CSMD1: variants seen among roughly 807,000 people sequenced by gnomAD.
The protein encoded by CSMD1 is CUB and Sushi multiple domains 1, also known as CUB and sushi domain-containing protein 1.
CSMD1 carries 213 observed loss-of-function variants against 417.5 expected under a neutral mutation model. That is an observed-to-expected ratio of 0.51 (90% confidence interval 0.46 to 0.57). The LOEUF is 0.57. CSMD1 is among the 20% of genes least tolerant of loss of function. CSMD1 has a pLI of 0.00. For synonymous variants in CSMD1, 2,862 were observed against 1,736.8 expected (o/e 1.65, Z -16.11); for missense variants, 6,923 against 4,529.7 (o/e 1.53, Z -15.17).
intron 5 of CSMD1, among the ~76,000 whole-genome samples, chr8:3,780,337 A>G (rs776792772): frequency 1.3e-5 from 2 of 152,240 alleles, no homozygotes; most frequent in Non-Finnish European, 2.9e-5. Flanking sequence ...GTTGTTCGTT[A>G]GAATAGAATT....
At chr8:3,772,526 CAT>C (rs879270240) in intron 5 of CSMD1, among the ~76,000 whole-genome samples, 10,262 of 32,256 alleles carry the variant, frequency 0.32, 2,267 homozygotes, top group East Asian at 0.62. Context: ...CATATATACA[CAT>C]ATATACATAT....
At chr8:4,188,641 C>T (rs988063250) in intron 3 of CSMD1, among the ~76,000 whole-genome samples, 5 of 151,850 alleles carry the variant, frequency 3.3e-5, no homozygotes, top group African/African-American at 7.3e-5. Context: ...TTTTATCTAT[C>T]GGAAAAATGA....
intron 6 of CSMD1, among the ~76,000 whole-genome samples, chr8:3,752,930 T>C (rs578172014): frequency 6.6e-6 from 1 of 152,170 alleles, no homozygotes; most frequent in East Asian, 1.9e-4. Context: ...ATAACAGATA[T>C]TTAGACCAGT....
rs78752344 is a variant in CSMD1, at chr8:3,439,924, T to G, written c.1561+28788A>C. Among the ~76,000 whole-genome samples, 394 of 152,316 alleles carry G rather than the reference T, an allele frequency of 2.6e-3. 2 individuals carry two copies. Among genetic ancestry groups the G allele is most frequent in the Non-Finnish European group, 4.5e-3 (304 of 68,020 alleles). The stretch of plus-strand genomic sequence containing the variant: ...CACTGAAAAGACTATTCTTCCTCCA[T>G]TGAATTGCTTTGGCCCCTTTACCAA... On this transcript the variant is annotated intron_variant, in intron 12 of 69. Coordinates refer to ENST00000635120, the MANE Select transcript of CSMD1 (RefSeq NM_033225.6).
At chr8:3,237,686 C>A (rs1050140289) in intron 26 of CSMD1, among the ~76,000 whole-genome samples, 9 of 141,536 alleles carry the variant, frequency 6.4e-5, no homozygotes, top group Admixed American at 2.1e-4. Flanking sequence ...TATAATTATA[C>A]TTATACTACA....
At chr8:3,995,493 T>C (rs1028847441) in intron 5 of CSMD1, among the ~76,000 whole-genome samples, 3 of 152,232 alleles carry the variant, frequency 2.0e-5, no homozygotes, top group East Asian at 1.9e-4. Context: ...AGAGAAACTC[T>C]ACTTCTCTGA....
chr8:4,096,113 C>G (rs915717825), intron 3 of CSMD1, among the ~76,000 whole-genome samples: 1 of 151,996 alleles, frequency 6.6e-6, no homozygotes, highest in Admixed American at 6.6e-5. Flanking sequence ...TGGATGGTTC[C>G]TCAAAAACAT....
intron 3 of CSMD1, among the ~76,000 whole-genome samples, chr8:4,345,324 A>G (rs1416104560): frequency 1.3e-5 from 2 of 152,136 alleles, no homozygotes; most frequent in Non-Finnish European, 2.9e-5. Context: ...TAACATATAA[A>G]TCTTTTCCTT....
intron 3 of CSMD1, among the ~76,000 whole-genome samples, chr8:4,253,715 T>G (rs1294774627): frequency 4.6e-5 from 7 of 151,686 alleles, no homozygotes; most frequent in African/African-American, 1.5e-4. Flanking sequence ...AAGTAATGCT[T>G]AACTACACAC....
At chr8:4,140,936 C>A (rs746087382) in intron 3 of CSMD1, among the ~76,000 whole-genome samples, 2 of 151,094 alleles carry the variant, frequency 1.3e-5, no homozygotes, top group Non-Finnish European at 2.9e-5. Flanking sequence ...AACTTCAACA[C>A]CAACAACAAA....
intron 3 of CSMD1, among the ~76,000 whole-genome samples, chr8:4,249,956 G>A (rs2128829996): frequency 6.6e-6 from 1 of 152,146 alleles, no homozygotes; most frequent in African/African-American, 2.4e-5. Flanking sequence ...ACTTATGAAT[G>A]AATTAATGCC....
chr8:2,987,774 C>T (rs188183646), intron 54 of CSMD1, among the ~76,000 whole-genome samples: 160 of 152,316 alleles, frequency 1.1e-3, no homozygotes, highest in African/African-American at 3.5e-3. Flanking sequence ...AGGGCAGCTT[C>T]GGGGAGACTG....
intron 1 of CSMD1, among the ~76,000 whole-genome samples, chr8:4,841,911 CAAAAAAAAAAAAA>C (rs397757527): frequency 2.9e-5 from 1 of 34,830 alleles, no homozygotes; most frequent in Non-Finnish European, 4.3e-5. Flanking sequence ...AACTCCGTCT[CAAAAAAAAAAAAA>C]AAAAAAAAAA....
chr8:4,322,217 T>A (rs1329752949), intron 3 of CSMD1, among the ~76,000 whole-genome samples: 1 of 152,348 alleles, frequency 6.6e-6, no homozygotes, highest in South Asian at 2.1e-4. Context: ...TCCATATAGA[T>A]AATTCACATG....
intron 1 of CSMD1, among the ~76,000 whole-genome samples, chr8:4,651,373 C>G: frequency 6.6e-6 from 1 of 152,060 alleles, no homozygotes. Flanking sequence ...TCAGCTCAAG[C>G]AGTGCATTCC....
At chr8:3,733,773 G>T (rs1422776057) in intron 6 of CSMD1, among the ~76,000 whole-genome samples, 2 of 152,134 alleles carry the variant, frequency 1.3e-5, no homozygotes, top group African/African-American at 4.8e-5. Flanking sequence ...TGTACTTAAT[G>T]ATGGCAAGCG....
chr8:4,636,617 A>C (rs1287505601), intron 2 of CSMD1, among the ~76,000 whole-genome samples: 4 of 152,194 alleles, frequency 2.6e-5, no homozygotes, highest in African/African-American at 4.8e-5. Flanking sequence ...GTGTATTATA[A>C]TTTTATTTAA....
intron 5 of CSMD1, among the ~76,000 whole-genome samples, chr8:3,767,846 G>T (rs1270338035): frequency 6.6e-6 from 1 of 151,694 alleles, no homozygotes; most frequent in African/African-American, 2.4e-5. Context: ...ATGCCCAGTG[G>T]GTCAGATAAA....
chr8:4,894,298 T>G (rs1804330104), intron 1 of CSMD1, among the ~76,000 whole-genome samples: 1 of 152,092 alleles, frequency 6.6e-6, no homozygotes, highest in Non-Finnish European at 1.5e-5. Context: ...TTTATTGAAT[T>G]TATATACATT....
Sources: gnomAD v4.1 joint callset for allele counts (sites outside exome capture counted in the v4.1 genomes callset) on GRCh38, gnomAD v4.1.1 for gene constraint, MANE v1.5 for transcripts, NCBI Gene and HGNC (gene_info 2026-07-23, HGNC 2026-07-21) for gene names.